The following NRG3 variants were observed in gnomAD, a reference collection of about 807,000 sequenced individuals.
The protein encoded by NRG3 is neuregulin 3, also known as pro-neuregulin-3, membrane-bound isoform.
In NRG3, 31 loss-of-function variants were observed where a neutral mutation model predicts 66.9. The ratio of observed to expected loss-of-function variants is 0.46; its 90% CI spans 0.35 to 0.63. The LOEUF is 0.63. Among genes scored for constraint, NRG3 ranks in the 20% least tolerant of loss-of-function variants. NRG3 has a pLI of 0.00. For synonymous variants in NRG3, 393 were observed against 359.4 expected (o/e 1.09, Z -1.06); for missense variants, 910 against 878.9 (o/e 1.04, Z -0.45).
At chr10:82,691,126 A>T (rs935847459) in intron 2 of NRG3, among the ~76,000 whole-genome samples, 1 of 152,164 alleles carries the variant, frequency 6.6e-6, no homozygotes, top group African/African-American at 2.4e-5. Context: ...GATTATCTCA[A>T]CCTTAAGAAA....
chr10:82,049,880 A>C (rs934990223), intron 1 of NRG3, among the ~76,000 whole-genome samples: 5 of 152,056 alleles, frequency 3.3e-5, no homozygotes, highest in Admixed American at 6.6e-5. Flanking sequence ...TAAAAATCTC[A>C]ATAATCATAG....
intron 2 of NRG3, among the ~76,000 whole-genome samples, chr10:82,521,222 A>C (rs1453442670): frequency 6.6e-6 from 1 of 152,204 alleles, no homozygotes; most frequent in African/African-American, 2.4e-5. Flanking sequence ...ATTTACTAAA[A>C]ATACTAACAA....
At chr10:82,087,120 A>G (rs893108985) in intron 1 of NRG3, among the ~76,000 whole-genome samples, 3 of 152,188 alleles carry the variant, frequency 2.0e-5, no homozygotes, top group Non-Finnish European at 4.4e-5. Flanking sequence ...ATGGCTTGGT[A>G]AAAAGCAGTT....
chr10:81,964,838 T>A (rs1386527448), intron 1 of NRG3, among the ~76,000 whole-genome samples: 1 of 152,190 alleles, frequency 6.6e-6, no homozygotes, highest in Non-Finnish European at 1.5e-5. Context: ...TAATTAGGTG[T>A]CCCATATTTT....
At chr10:82,443,992 C>G (rs1283040519) in intron 2 of NRG3, among the ~76,000 whole-genome samples, 3 of 152,190 alleles carry the variant, frequency 2.0e-5, no homozygotes, top group Admixed American at 6.5e-5. Context: ...TTTTCTATAT[C>G]AAAGTATCCC....
intron 1 of NRG3, among the ~76,000 whole-genome samples, chr10:81,952,952 GC>G (rs143568722): frequency 0.045 from 6,896 of 152,092 alleles, 190 homozygotes; most frequent in Admixed American, 0.063. Flanking sequence ...GGCTGGCCAG[GC>G]TAATGCTTCT....
At chr10:82,720,320 G>T (rs546873687) in intron 2 of NRG3, among the ~76,000 whole-genome samples, 5 of 152,140 alleles carry the variant, frequency 3.3e-5, no homozygotes, top group African/African-American at 9.6e-5. Context: ...AACCCGGGAG[G>T]CAGAGGTTGC....
intron 1 of NRG3, among the ~76,000 whole-genome samples, chr10:82,200,729 CTCTT>C (rs1448870310): frequency 6.6e-5 from 10 of 152,290 alleles, no homozygotes; most frequent in African/African-American, 2.4e-4. Context: ...GAAGGCCTTT[CTCTT>C]TCTTTATCCT....
intron 6 of NRG3, among the ~76,000 whole-genome samples, chr10:82,964,487 T>C (rs1352033307): frequency 6.6e-6 from 1 of 152,180 alleles, no homozygotes; most frequent in Non-Finnish European, 1.5e-5. Flanking sequence ...TCATATTATT[T>C]TGCTTTAAAG....
chr10:82,047,648 G>A (rs1427679525), intron 1 of NRG3, among the ~76,000 whole-genome samples: 3 of 151,672 alleles, frequency 2.0e-5, no homozygotes, highest in Admixed American at 1.3e-4. Context: ...GCAAAATCAT[G>A]CCAAAATGTA....
chr10:82,246,226 C>A (rs1003345160), intron 1 of NRG3, among the ~76,000 whole-genome samples: 2 of 152,078 alleles, frequency 1.3e-5, no homozygotes, highest in Admixed American at 6.6e-5. Context: ...AGACTTGGGG[C>A]AGTGACCATC....
intron 2 of NRG3, among the ~76,000 whole-genome samples, chr10:82,540,120 T>A (rs149837433): frequency 8.4e-4 from 128 of 151,516 alleles, no homozygotes; most frequent in African/African-American, 2.8e-3. Flanking sequence ...TGGACTGCTG[T>A]TGCTGCTTTG....
chr10:82,773,784 A>G (rs2059800646), intron 3 of NRG3, among the ~76,000 whole-genome samples: 2 of 152,164 alleles, frequency 1.3e-5, no homozygotes, highest in Admixed American at 6.5e-5. Context: ...CTTGTACCAG[A>G]TCTTGATAGA....
chr10:82,820,644 T>C (rs528835778), intron 3 of NRG3, among the ~76,000 whole-genome samples: 2 of 152,356 alleles, frequency 1.3e-5, no homozygotes, highest in South Asian at 4.1e-4. Context: ...CGAATTATAT[T>C]ATTAATGTCC....
intron 2 of NRG3, among the ~76,000 whole-genome samples, chr10:82,487,796 G>T (rs1368256190): frequency 6.6e-6 from 1 of 152,192 alleles, no homozygotes. Flanking sequence ...GGTGTCTCAT[G>T]AAAATCTTGC....
chr10:82,300,990 G>GAAA (rs1212354152), intron 1 of NRG3, among the ~76,000 whole-genome samples: 3 of 151,344 alleles, frequency 2.0e-5, no homozygotes, highest in Admixed American at 6.6e-5. Flanking sequence ...AGAAGAAGAA[G>GAAA]AAAAAAAGAA....
chr10:82,827,720 C>T (rs1347798755), intron 3 of NRG3, among the ~76,000 whole-genome samples: 2 of 152,078 alleles, frequency 1.3e-5, no homozygotes, highest in Non-Finnish European at 2.9e-5. Flanking sequence ...TCACTCGAAG[C>T]AGAGATATAA....
At chr10:82,375,682 A>AT (rs1178205707) in intron 2 of NRG3, among the ~76,000 whole-genome samples, 25 of 152,200 alleles carry the variant, frequency 1.6e-4, no homozygotes, top group African/African-American at 5.8e-4. Context: ...ATCTGTTCTA[A>AT]ACCTCGGCTT....
intron 2 of NRG3, among the ~76,000 whole-genome samples, chr10:82,498,033 T>G (rs1843776174): frequency 6.6e-6 from 1 of 151,974 alleles, no homozygotes; most frequent in Non-Finnish European, 1.5e-5. Context: ...TTGTATGTAT[T>G]CTTTGGAAAA....
Sources: allele counts gnomAD v4.1 joint callset (sites outside exome capture counted in the v4.1 genomes callset), GRCh38; gene constraint gnomAD v4.1.1; transcripts MANE v1.5; gene names NCBI Gene and HGNC (gene_info 2026-07-23, HGNC 2026-07-21).